AMMECR1: variants seen among roughly 807,000 people sequenced by gnomAD.
The protein encoded by AMMECR1 is nuclear protein AMMECR1.
AMMECR1 carries 3 observed loss-of-function variants against 22.5 expected under a neutral mutation model. That is an observed-to-expected ratio of 0.13 (90% confidence interval 0.06 to 0.35). The LOEUF is 0.35. AMMECR1 is among the 10% of genes least tolerant of loss of function. The pLI is 1.00. For missense variants in AMMECR1, 235 were observed against 278.7 expected, an observed-to-expected ratio of 0.84 and a Z score of 1.12; for synonymous variants, 130 against 116.7, an observed-to-expected ratio of 1.11 and a Z score of -0.74.
chrX:110,435,965 G>A, intron 1 of AMMECR1, among the ~76,000 whole-genome samples: 1 of 112,496 alleles, frequency 8.9e-6, no homozygotes, highest in Middle Eastern at 4.6e-3. Context: ...GAAAGAATGA[G>A]TAAGTTGTTC....
intron 2 of AMMECR1, chrX:110,219,572 T>C (rs1292643386): frequency 1.3e-6 from 1 of 748,743 alleles, no homozygotes; most frequent in African/African-American, 2.3e-5. Flanking sequence ...ACAGTGCTTT[T>C]CTCATGACAT....
At chrX:110,322,793 C>T (rs549717360), upstream of AMMECR1, among the ~76,000 whole-genome samples, 1 of 112,003 alleles carries the variant, frequency 8.9e-6, no homozygotes, top group African/African-American at 3.2e-5. Flanking sequence ...CAATTTATGG[C>T]TTATTCTCTC....
At chrX:110,317,209 T>C (rs2068052930) in intron 1 of AMMECR1, among the ~76,000 whole-genome samples, 1 of 111,234 alleles carries the variant, frequency 9.0e-6, no homozygotes, top group Non-Finnish European at 1.9e-5. Context: ...TGGCGGGGCT[T>C]TCACTTGGGG....
At chrX:110,382,754 C>A (rs1048632712) in intron 2 of AMMECR1, among the ~76,000 whole-genome samples, 1 of 111,820 alleles carries the variant, frequency 8.9e-6, no homozygotes, top group East Asian at 2.8e-4. Context: ...GAAGGGTTGC[C>A]TGAATCAAAG....
chrX:110,312,469 G>A (rs1381058001), intron 1 of AMMECR1, among the ~76,000 whole-genome samples: 2 of 111,998 alleles, frequency 1.8e-5, no homozygotes. Context: ...GCTGCCACCC[G>A]CTAACTGAAA....
At chrX:110,304,486 T>A (rs1276007068) in intron 1 of AMMECR1, among the ~76,000 whole-genome samples, 1 of 112,351 alleles carries the variant, frequency 8.9e-6, no homozygotes, top group East Asian at 2.8e-4. Flanking sequence ...AGAAAAAAGA[T>A]CACTGAACAT....
At chrX:110,232,858 C>T (rs1298561150) in intron 2 of AMMECR1, among the ~76,000 whole-genome samples, 2 of 92,674 alleles carry the variant, frequency 2.2e-5, no homozygotes, top group South Asian at 5.6e-4. Context: ...CCATTGCACT[C>T]CAGCCTGGGT....
At chrX:110,330,071 C>T (rs1357499180) in intron 2 of AMMECR1, among the ~76,000 whole-genome samples, 1 of 111,440 alleles carries the variant, frequency 9.0e-6, no homozygotes, top group Non-Finnish European at 1.9e-5. Context: ...TGATTTTCAG[C>T]CTCAGCTGGG....
At chrX:110,341,616 TTAG>T (rs753983011) in intron 2 of AMMECR1, among the ~76,000 whole-genome samples, 1 of 112,473 alleles carries the variant, frequency 8.9e-6, no homozygotes, top group South Asian at 3.7e-4. Context: ...CATTAGTCAC[TTAG>T]TAGCCATCTC....
rs370568550 is a variant in AMMECR1, at chrX:110,300,834, A to T, written c.473+16765T>A. 2.7e-5 allele frequency among the ~76,000 whole-genome samples: 3 copies of T among 111,756 alleles called. No homozygotes were observed. The East Asian group carries it at 8.4e-4, about 31-fold the overall frequency. On this transcript the variant is annotated intron_variant, in intron 1 of 5. Transcript: ENST00000262844. ...CACCACCACATAGCTATAGTTTCCA[A>T]TATGTTTAGATAAATGCTTCTTTCT...
At chrX:110,282,687 C>T (rs894724614) in intron 1 of AMMECR1, among the ~76,000 whole-genome samples, 4 of 111,422 alleles carry the variant, frequency 3.6e-5, no homozygotes, top group East Asian at 2.8e-4. Flanking sequence ...AGTTCTTAAA[C>T]GGATTCCATA....
intron 2 of AMMECR1, among the ~76,000 whole-genome samples, chrX:110,376,322 G>C (rs2068376190): frequency 9.0e-6 from 1 of 110,816 alleles, no homozygotes; most frequent in Non-Finnish European, 1.9e-5. Flanking sequence ...TGTCCAGGAA[G>C]CTGGTCTTGG....
rs184856919 is a variant in AMMECR1 at position 110,195,654 on chromosome X, G to A, written c.*2866C>T. The A allele has an allele frequency of 1.8e-5, 2 of 112,391 alleles. No individual in the cohort carries two copies. The highest frequency in any genetic ancestry group is 2.8e-4 in the East Asian group (1 of 3,592). 9.3% of individuals were successfully genotyped at this position (112,391 alleles called of 1,213,427 possible). On this transcript the variant is annotated 3_prime_UTR_variant, in exon 6 of 6. Coordinates refer to ENST00000262844, the MANE Select transcript of AMMECR1 (RefSeq NM_015365.3). ...CTCATACAATATTCTGATGATAAGA[G>A]TGCAATTCACATTTGTGTTTCTGAA...
At chrX:110,323,755 CTCATT>C (rs1322471340) in intron 2 of AMMECR1, among the ~76,000 whole-genome samples, 12 of 109,108 alleles carry the variant, frequency 1.1e-4, no homozygotes, top group African/African-American at 2.0e-4. Flanking sequence ...TTTCATTTCT[CTCATT>C]TCATTTCATT....
chrX:110,201,633 TA>T (rs2067397573), intron 4 of AMMECR1, among the ~76,000 whole-genome samples: 1 of 111,963 alleles, frequency 8.9e-6, no homozygotes, highest in Admixed American at 9.4e-5. Context: ...AGACATTTTC[TA>T]AAGCAACCCA....
intron 1 of AMMECR1, among the ~76,000 whole-genome samples, chrX:110,271,584 GA>G (rs959224348): frequency 2.8e-5 from 3 of 106,772 alleles, no homozygotes; most frequent in Admixed American, 9.9e-5. Context: ...TTCAGCAAAC[GA>G]AAAAAAAAAT....
chrX:110,211,135 T>C (rs2067445922), intron 3 of AMMECR1, among the ~76,000 whole-genome samples: 2 of 112,376 alleles, frequency 1.8e-5, no homozygotes, highest in African/African-American at 6.5e-5. Context: ...TCTAAGGAGT[T>C]ACTTTAGAAT....
intron 2 of AMMECR1, among the ~76,000 whole-genome samples, chrX:110,222,135 A>G (rs1296573360): frequency 1.0e-5 from 1 of 99,244 alleles, no homozygotes; most frequent in Non-Finnish European, 2.0e-5. Flanking sequence ...TGCTATAAAG[A>G]CACATGCACA....
intron 1 of AMMECR1, among the ~76,000 whole-genome samples, chrX:110,307,868 T>TC (rs1569403154): frequency 3.5e-5 from 3 of 84,586 alleles, no homozygotes; most frequent in African/African-American, 5.1e-5. Flanking sequence ...TTTTTTCTTT[T>TC]TTTTTTTTTT....
Sources: allele counts gnomAD v4.1 joint callset (sites outside exome capture counted in the v4.1 genomes callset), GRCh38; gene constraint gnomAD v4.1.1; transcripts MANE v1.5; gene names NCBI Gene and HGNC (gene_info 2026-07-23, HGNC 2026-07-21).